Variants in DMD observed in about 807,000 individuals in gnomAD.
The protein encoded by DMD is mutant dystrophin.
Under a neutral mutation model 330.1 loss-of-function variants are expected in DMD, and 63 were observed. That is an observed-to-expected ratio of 0.19 (90% CI 0.16 to 0.24). The LOEUF (loss-of-function observed/expected upper bound fraction) is 0.24. Among genes scored for constraint, DMD ranks in the 10% least tolerant of loss-of-function variants. DMD has a pLI of 1.00. For synonymous variants in DMD, 1,223 were observed against 959.8 expected, an observed-to-expected ratio of 1.27 and a Z score of -5.07; for missense variants, 3,344 against 2,684.1, an observed-to-expected ratio of 1.25 and a Z score of -5.43.
chrX:32,805,611 G>T (rs1265555370), intron 7 of DMD, among the ~76,000 whole-genome samples: 1 of 110,799 alleles, frequency 9.0e-6, no homozygotes, highest in Non-Finnish European at 1.9e-5. Context: ...TCCTCAAAAA[G>T]AGCAACCCCA....
At chrX:31,877,185 C>T (rs771660549) in intron 47 of DMD, among the ~76,000 whole-genome samples, 5 of 111,872 alleles carry the variant, frequency 4.5e-5, no homozygotes, top group Non-Finnish European at 9.4e-5. Context: ...TACAGTGAAA[C>T]GTCTTGTAAA....
intron 2 of DMD, among the ~76,000 whole-genome samples, chrX:32,917,974 T>A (rs1402218244): frequency 3.1e-5 from 3 of 97,441 alleles, no homozygotes; most frequent in Middle Eastern, 5.1e-3. Context: ...ATAACATTCA[T>A]CTGCTAGAAA....
intron 44 of DMD, among the ~76,000 whole-genome samples, chrX:32,207,309 C>T (rs2097074222): frequency 9.0e-6 from 1 of 111,318 alleles, no homozygotes; most frequent in South Asian, 3.8e-4. Flanking sequence ...GTTCAGCCCC[C>T]TTTTGATCTT....
At chrX:31,844,551 A>G (rs970137326) in intron 48 of DMD, among the ~76,000 whole-genome samples, 1 of 111,733 alleles carries the variant, frequency 8.9e-6, no homozygotes, top group East Asian at 2.8e-4. Flanking sequence ...AGTTTTTTAT[A>G]ATTCTGTGAA....
At chrX:31,502,771 T>C (rs750385519) in intron 56 of DMD, among the ~76,000 whole-genome samples, 213 of 111,781 alleles carry the variant, frequency 1.9e-3, no homozygotes, top group African/African-American at 6.6e-3. Context: ...ATATTTCTTA[T>C]GTAAAACAAT....
intron 63 of DMD, among the ~76,000 whole-genome samples, chrX:31,238,072 T>C (rs1027178278): frequency 1.8e-5 from 2 of 112,009 alleles, no homozygotes; most frequent in African/African-American, 6.5e-5. Flanking sequence ...TGGGAGTTGC[T>C]TGATATAAAG....
Position 31,209,542 on chromosome X carries a change from G to T in DMD, c.9519C>A (p.Leu3173=), listed in dbSNP as rs2148591143. Reference sequence around the variant, plus strand: ...GCCAGTTCAGACACATATCCACGCAGAGAGGGACGTTGACCAAATTGTTGT... The same window carrying T: ...GCCAGTTCAGACACATATCCACGCATAGAGGGACGTTGACCAAATTGTTGT... The part of the protein sequence containing the change: ...QEHNNLVNVP[L]CVDMCLNWLL... The change falls in exon 65 of 79, where the codon CTC becomes CTA. Residue 3173 remains leucine, a synonymous_variant. Coordinates refer to ENST00000357033, the MANE Select transcript of DMD (RefSeq NM_004006.3). 2 of 1,211,312 alleles carry T rather than the reference G, an allele frequency of 1.7e-6. No homozygotes were observed. The highest frequency in any genetic ancestry group is 1.1e-6 in the Non-Finnish European group (1 of 895,405).
Position 31,187,717 on chromosome X carries a change from CAGAGAGAGAGAGAGAG to C in DMD, c.9808-4829_9808-4814del, listed in dbSNP as rs55674554. Among the ~76,000 whole-genome samples, 291 of 66,823 alleles carry C rather than the reference CAGAGAGAGAGAGAGAG, an allele frequency of 4.4e-3. 2 individuals are homozygous for C. The highest frequency in any genetic ancestry group is 0.011 in the African/African-American group (176 of 16,647). The allele number at this position is 66,823 out of a possible 115,157, so 58.0% of individuals were successfully genotyped here. On this transcript the variant is annotated intron_variant, in intron 67 of 78. Transcript: ENST00000357033. ...CAGCTCTGGAATCTTCCCAGATTCTCAGAGAGAGAGAGAGAGAGAGAGAGAGAGAGAGAGAGAGAGA... is the reference window on the plus strand; with the variant it reads ...CAGCTCTGGAATCTTCCCAGATTCTCAGAGAGAGAGAGAGAGAGAGAGAGA...
At chrX:33,119,428 C>T (rs757248645) in intron 1 of DMD, among the ~76,000 whole-genome samples, 1 of 112,322 alleles carries the variant, frequency 8.9e-6, no homozygotes, top group South Asian at 3.7e-4. Flanking sequence ...TTAGTTTATT[C>T]CGCAAATACA....
intron 7 of DMD, among the ~76,000 whole-genome samples, chrX:32,757,915 G>A (rs1035704841): frequency 1.8e-5 from 2 of 111,372 alleles, no homozygotes; most frequent in African/African-American, 3.3e-5. Flanking sequence ...CTGTTAGAGG[G>A]TTAACACCCT....
intron 30 of DMD, among the ~76,000 whole-genome samples, chrX:32,410,632 CA>C (rs2098137815): frequency 8.9e-6 from 1 of 111,805 alleles, no homozygotes; most frequent in Non-Finnish European, 1.9e-5. Context: ...CTCCTCTCAT[CA>C]TAGCATGGAC....
intron 43 of DMD, among the ~76,000 whole-genome samples, chrX:32,250,583 C>G (rs1405802700): frequency 2.7e-5 from 3 of 111,916 alleles, no homozygotes; most frequent in African/African-American, 9.7e-5. Context: ...TTCTGCCTCC[C>G]CAGTGTTTTC....
At position 32,686,932 on chromosome X, in the gene DMD, G is replaced by A. The variant is rs749510985; in HGVS notation, c.960+10938C>T. ...TCAGGATCCTAGACCAAATATTTCT[G>A]CTCTGTAATCTTAGGTACATGACTT... is the stretch of plus-strand genomic sequence containing the variant. On this transcript the variant is annotated intron_variant, in intron 9 of 78. Coordinates refer to ENST00000357033, the MANE Select transcript of DMD (RefSeq NM_004006.3). 6.3e-5 allele frequency among the ~76,000 whole-genome samples: 7 copies of A among 111,619 alleles called. No homozygotes were observed. The South Asian group carries it at 2.6e-3, about 42-fold the overall frequency.
chrX:31,721,718 C>CTCTATA (rs1227959078), intron 52 of DMD, among the ~76,000 whole-genome samples: 75 of 56,448 alleles, frequency 1.3e-3, no homozygotes, highest in East Asian at 7.3e-3. Context: ...CTCTCTCTCT[C>CTCTATA]TATATATATA....
intron 42 of DMD, among the ~76,000 whole-genome samples, chrX:32,299,826 T>C (rs1040806485): frequency 9.0e-6 from 1 of 111,267 alleles, no homozygotes; most frequent in African/African-American, 3.3e-5. Flanking sequence ...TGTCAGCTAT[T>C]ACATTCAAGA....
At chrX:32,749,967 C>G (rs939780747) in intron 7 of DMD, among the ~76,000 whole-genome samples, 2 of 112,427 alleles carry the variant, frequency 1.8e-5, no homozygotes, top group Admixed American at 1.9e-4. Context: ...TAGTTATATA[C>G]AGTTCACTGA....
At chrX:33,071,376 G>A (rs2094753584) in intron 1 of DMD, among the ~76,000 whole-genome samples, 1 of 101,282 alleles carries the variant, frequency 9.9e-6, no homozygotes, top group African/African-American at 3.7e-5. Flanking sequence ...CTGAGATCAC[G>A]CCACTTCACT....
intron 7 of DMD, among the ~76,000 whole-genome samples, chrX:32,722,225 C>T (rs2066399844): frequency 9.1e-6 from 1 of 110,069 alleles, no homozygotes; most frequent in Non-Finnish European, 1.9e-5. Context: ...TTTGTACAGT[C>T]AACCTTCTAT....
intron 17 of DMD, among the ~76,000 whole-genome samples, chrX:32,539,331 A>G (rs1171247461): frequency 9.0e-6 from 1 of 111,100 alleles, no homozygotes; most frequent in East Asian, 2.8e-4. Flanking sequence ...TTGCAACTGA[A>G]AGCAAGTTAT....
Sources: gnomAD v4.1 joint callset for allele counts (sites outside exome capture counted in the v4.1 genomes callset) on GRCh38, gnomAD v4.1.1 for gene constraint, MANE v1.5 for transcripts, NCBI Gene and HGNC (gene_info 2026-07-23, HGNC 2026-07-21) for gene names.